TAF3: variants seen among roughly 807,000 people sequenced by gnomAD.
TAF3 encodes the protein transcription initiation factor TFIID subunit 3.
In TAF3, 7 loss-of-function variants were observed where a neutral mutation model predicts 80.6. That is an observed-to-expected ratio of 0.09 (90% CI 0.05 to 0.16). The LOEUF (loss-of-function observed/expected upper bound fraction) is 0.16, where lower values mean the gene tolerates loss of function less well. Ranked by LOEUF, TAF3 falls within the 10% of genes least tolerant of loss-of-function variation. The probability of loss-of-function intolerance (pLI) is 1.00; values close to 1 mark genes in which losing one functional copy is unlikely to be tolerated. For missense variants in TAF3, 921 were observed against 1,140.2 expected (o/e 0.81, Z 2.77); for synonymous variants, 444 against 446.1 (o/e 1.00, Z 0.06).
intron 2 of TAF3, among the ~76,000 whole-genome samples, chr10:7,849,672 GA>G (rs934435492): frequency 1.3e-5 from 2 of 150,566 alleles, no homozygotes; most frequent in Non-Finnish European, 3.0e-5. Flanking sequence ...GGGTTCATGC[GA>G]ACTTTTTTTT....
At chr10:7,949,635 C>T (rs1015161949) in intron 2 of TAF3, among the ~76,000 whole-genome samples, 2 of 152,090 alleles carry the variant, frequency 1.3e-5, no homozygotes, top group Admixed American at 6.5e-5. Context: ...TGTAAAATTC[C>T]GTTGATCCTG....
rs376346538 is a variant in TAF3, at chr10:8,009,429, C to A, written c.2568+99C>A. 33 of 1,408,488 alleles carry A rather than the reference C, an allele frequency of 2.3e-5. No individual in the cohort carries two copies. In the East Asian group the frequency reaches 2.4e-4, roughly 10 times the overall value. 87.2% of individuals were successfully genotyped at this position (1,408,488 alleles called of 1,614,324 possible). A position where few individuals can be genotyped will look rare whatever the true frequency, so the allele number is the denominator to read the frequency against. ...ATCGAATTTCAGACGCATTTCTCTT[C>A]AAAATTTTATTATTTACTTAATTAT... On this transcript the variant is annotated intron_variant, in intron 5 of 6. Coordinates refer to ENST00000344293, the MANE Select transcript of TAF3 (RefSeq NM_031923.4). The surrounding 1 kb of genome is among the most constrained non-coding windows in gnomAD (Gnocchi z 4.1).
At chr10:7,990,718 C>T (rs563002170) in intron 4 of TAF3, among the ~76,000 whole-genome samples, 8 of 152,300 alleles carry the variant, frequency 5.3e-5, no homozygotes, top group South Asian at 4.1e-4. Context: ...AGAGATTCCC[C>T]ATCAGTTCAA....
chr10:7,935,578 C>T (rs1367004823), intron 2 of TAF3, among the ~76,000 whole-genome samples: 1 of 151,908 alleles, frequency 6.6e-6, no homozygotes, highest in African/African-American at 2.4e-5. Context: ...AGAGAGACAA[C>T]GTCTCAAATA....
At chr10:7,977,393 C>A (rs745707245) in intron 4 of TAF3, 70 bp downstream of exon 4, 134 of 1,451,338 alleles carry the variant, frequency 9.2e-5, no homozygotes, top group Non-Finnish European at 1.0e-4. Context: ...TCCTAAGGGA[C>A]TTAGAATTCC....
chr10:7,953,299 A>G (rs183646997), intron 2 of TAF3, among the ~76,000 whole-genome samples: 1 of 152,332 alleles, frequency 6.6e-6, no homozygotes, highest in Admixed American at 6.5e-5. Context: ...ACCCAAACAC[A>G]TAAATCAAGT....
intron 2 of TAF3, among the ~76,000 whole-genome samples, chr10:7,900,009 T>A (rs1407226334): frequency 6.6e-6 from 1 of 152,242 alleles, no homozygotes; most frequent in African/African-American, 2.4e-5. Context: ...CGGCGTCCAC[T>A]CATATCCAAC....
intron 2 of TAF3, among the ~76,000 whole-genome samples, chr10:7,911,153 A>T (rs1323322997): frequency 6.6e-6 from 1 of 152,218 alleles, no homozygotes; most frequent in Non-Finnish European, 1.5e-5. Flanking sequence ...GTGCTTTAAG[A>T]AAAAAGTGGT....
intron 2 of TAF3, among the ~76,000 whole-genome samples, chr10:7,888,391 A>T (rs909839358): frequency 1.0e-4 from 15 of 150,266 alleles, no homozygotes; most frequent in South Asian, 2.1e-4. Flanking sequence ...CTAAATTTAT[A>T]AAAAAAAAGT....
chr10:7,848,422 T>C (rs1836994146), intron 2 of TAF3, among the ~76,000 whole-genome samples: 3 of 152,158 alleles, frequency 2.0e-5, no homozygotes. Context: ...GTACAGTGTG[T>C]TCAGATTAAC....
At chr10:7,835,831 A>C (rs1338396073) in intron 2 of TAF3, among the ~76,000 whole-genome samples, 5 of 152,110 alleles carry the variant, frequency 3.3e-5, no homozygotes, top group Non-Finnish European at 7.4e-5. Context: ...GCTTGGTGGC[A>C]TGTTGTCACC....
intron 2 of TAF3, among the ~76,000 whole-genome samples, chr10:7,843,003 C>T (rs1298100601): frequency 6.6e-6 from 1 of 152,198 alleles, no homozygotes; most frequent in Non-Finnish European, 1.5e-5. Flanking sequence ...TTCTGACATG[C>T]TTTGCACCTG....
chr10:7,926,398 A>G (rs912534214), intron 2 of TAF3, among the ~76,000 whole-genome samples: 3 of 152,204 alleles, frequency 2.0e-5, no homozygotes, highest in African/African-American at 7.2e-5. Context: ...TTGATGATTC[A>G]TTTGGGCTAA....
At chr10:7,940,749 G>A (rs1257010140) in intron 2 of TAF3, among the ~76,000 whole-genome samples, 12 of 152,046 alleles carry the variant, frequency 7.9e-5, no homozygotes, top group African/African-American at 2.9e-4. Context: ...GAGCCCAGGA[G>A]TTTGAGACCA....
At position 8,002,658 on chromosome 10, in the gene TAF3, C is replaced by T. The variant is rs919093660; in HGVS notation, c.2316-6420C>T. Among the ~76,000 whole-genome samples the T allele has an allele frequency of 1.8e-4, 27 of 152,150 alleles. No individual in the cohort carries two copies. In the East Asian group the frequency reaches 4.4e-3, roughly 25 times the overall value. On this transcript the variant is annotated intron_variant, in intron 4 of 6. Coordinates refer to ENST00000344293, the MANE Select transcript of TAF3 (RefSeq NM_031923.4). Reference sequence around the variant, plus strand: ...ATATTTTAGAAAAGAATGAATATTCCGCACTGATTGAAGACAGATTTTTTT... The same window carrying T: ...ATATTTTAGAAAAGAATGAATATTCTGCACTGATTGAAGACAGATTTTTTT...
chr10:7,913,888 A>C (rs1475540356), intron 2 of TAF3, among the ~76,000 whole-genome samples: 1 of 152,260 alleles, frequency 6.6e-6, no homozygotes, highest in Non-Finnish European at 1.5e-5. Context: ...ATTAAGTGAT[A>C]CAGGAGGAGG....
rs184739359 is a variant in TAF3, at chr10:7,945,037, T to C, written c.410-18883T>C. ...TAGCATCGGACTACATAACTGTAGT[T>C]GTAATTTTTTACTCTATTTTCATTT... On this transcript the variant is annotated intron_variant, in intron 2 of 6. Transcript: ENST00000344293. Among the ~76,000 whole-genome samples the C allele has an allele frequency of 2.1e-3, 327 of 152,318 alleles. 8 individuals are homozygous for C. The highest frequency in any genetic ancestry group is 0.021 in the Admixed American group (326 of 15,300).
At chr10:7,891,931 G>C (rs1249338884) in intron 2 of TAF3, among the ~76,000 whole-genome samples, 3 of 152,162 alleles carry the variant, frequency 2.0e-5, no homozygotes, top group African/African-American at 7.2e-5. Context: ...AAGTACAATA[G>C]TGTTATATAG....
At chr10:7,839,412 T>A (rs543385768) in intron 2 of TAF3, among the ~76,000 whole-genome samples, 1 of 152,332 alleles carries the variant, frequency 6.6e-6, no homozygotes, top group South Asian at 2.1e-4. Context: ...CTATGAGAGT[T>A]GAATTCAAGA....
Sources: gnomAD v4.1 joint callset for allele counts (sites outside exome capture counted in the v4.1 genomes callset) on GRCh38, gnomAD v4.1.1 for gene constraint, Gnocchi (gnomAD v3.1) non-coding constraint, MANE v1.5 for transcripts, NCBI Gene and HGNC (gene_info 2026-07-23, HGNC 2026-07-21) for gene names.